The following PPIL2 variants were observed in gnomAD, a reference collection of about 807,000 sequenced individuals.
The protein encoded by PPIL2 is peptidylprolyl isomerase like 2.
A neutral mutation model predicts 75.2 loss-of-function variants in PPIL2; 50 were observed. That is an observed-to-expected ratio of 0.66 (90% CI 0.53 to 0.84). The LOEUF (loss-of-function observed/expected upper bound fraction) is 0.84, where lower values mean the gene tolerates loss of function less well. Among genes scored for constraint, PPIL2 ranks in the 40% least tolerant of loss-of-function variants. The probability of loss-of-function intolerance (pLI) is 0.00; values close to 1 mark genes in which losing one functional copy is unlikely to be tolerated. For synonymous variants in PPIL2, 245 were observed against 258.8 expected (o/e 0.95, Z 0.51); for missense variants, 590 against 685.0 (o/e 0.86, Z 1.55).
chr22:21,688,968 G>A (rs2067500895), intron 15 of PPIL2, 119 bp downstream of exon 15: 8 of 941,384 alleles, frequency 8.5e-6, no homozygotes, highest in African/African-American at 1.6e-5. Flanking sequence ...GACGGTGTAC[G>A]GCACACCTAG....
intron 6 of PPIL2, among the ~76,000 whole-genome samples, chr22:21,677,641 G>T (rs2066932324): frequency 1.3e-5 from 2 of 152,238 alleles, no homozygotes; most frequent in African/African-American, 4.8e-5. Flanking sequence ...AGCCGAGATG[G>T]CAGCAGTACA....
chr22:21,692,323 T>G (rs1601595448), intron 15 of PPIL2, among the ~76,000 whole-genome samples: 2 of 151,666 alleles, frequency 1.3e-5, no homozygotes, highest in Admixed American at 1.3e-4. Flanking sequence ...CCTGGCTAAT[T>G]TTTTGTATTT....
intron 1 of PPIL2, among the ~76,000 whole-genome samples, chr22:21,666,752 TGAGCCGA>T (rs1230575289): frequency 6.6e-6 from 1 of 152,076 alleles, no homozygotes; most frequent in African/African-American, 2.4e-5. Flanking sequence ...GAGGTTGCGG[TGAGCCGA>T]GATCGTGTCA....
chr22:21,682,702 C>G (rs1464316731), intron 8 of PPIL2, among the ~76,000 whole-genome samples, 176 bp downstream of exon 8: 1 of 145,646 alleles, frequency 6.9e-6, no homozygotes, highest in Non-Finnish European at 1.5e-5. Flanking sequence ...AGGGCAGGAG[C>G]TGGCATGAGC....
intron 1 of PPIL2, among the ~76,000 whole-genome samples, chr22:21,666,448 T>G (rs75281100): frequency 0.015 from 2,333 of 152,298 alleles, 55 homozygotes; most frequent in African/African-American, 0.054. Flanking sequence ...ACCTCTTCCG[T>G]ACTTCACGTC....
chr22:21,685,668 A>G (rs1305916648), intron 10 of PPIL2: 1 of 452,408 alleles, frequency 2.2e-6, no homozygotes, highest in Admixed American at 2.4e-5. Context: ...GCTGGTCTTG[A>G]ATTCCTGGCT....
In PPIL2 at chr22:21,696,758, C is replaced by G. The variant is rs2067951049; in HGVS notation, c.*1268C>G. The G allele has an allele frequency of 6.5e-7, 1 of 1,542,810 alleles. No homozygotes were observed. On this transcript the variant is annotated 3_prime_UTR_variant, in exon 20 of 20. Coordinates refer to ENST00000398831, the MANE Select transcript of PPIL2 (RefSeq NM_014337.4). ...CTTGAACCTGTCAGCAACTTGCAGG[C>G]TGTACCTCTGCCCTTCCTTTTCTCA... is the stretch of plus-strand genomic sequence containing the variant.
intron 1 of PPIL2, chr22:21,669,410 A>C: frequency 2.2e-6 from 1 of 449,866 alleles, no homozygotes. Flanking sequence ...TGGCCTCCCA[A>C]ACTGTTGGGA....
At chr22:21,670,540 C>G in intron 2 of PPIL2, 26 bp from the exon 3 acceptor site, 1 of 1,588,168 alleles carries the variant, frequency 6.3e-7, no homozygotes, top group South Asian at 1.1e-5. Flanking sequence ...AGTAAGATTT[C>G]TGTTTTTTAT....
intron 6 of PPIL2, among the ~76,000 whole-genome samples, 179 bp downstream of exon 6, chr22:21,675,294 T>C (rs2066793562): frequency 6.6e-6 from 1 of 152,180 alleles, no homozygotes; most frequent in Non-Finnish European, 1.5e-5. Context: ...ACCCAGCAGT[T>C]TGGGAGGCCG....
In PPIL2 at chr22:21,686,740, C is replaced by G. The variant is rs937782939; in HGVS notation, c.791-152C>G. ...CCCATGAGGCTGGGGTGAGCCTGTG[C>G]GTGGCCTAAGCAGACCCTCGGCCTC... On this transcript the variant is annotated intron_variant, in intron 11 of 19. Coordinates refer to ENST00000398831, the MANE Select transcript of PPIL2 (RefSeq NM_014337.4). The G allele has an allele frequency of 1.8e-5, 18 of 987,160 alleles. 1 individual carries two copies. Among genetic ancestry groups the G allele is most frequent in the Middle Eastern group, 3.1e-4 (1 of 3,196 alleles). The allele number at this position is 987,160 out of a possible 1,614,324, so 61.2% of individuals were successfully genotyped here.
At chr22:21,691,778 C>T (rs2067650487) in intron 15 of PPIL2, among the ~76,000 whole-genome samples, 1 of 152,150 alleles carries the variant, frequency 6.6e-6, no homozygotes, top group African/African-American at 2.4e-5. Flanking sequence ...CTTCTAGTTT[C>T]CTTCACTGTG....
At chr22:21,677,433 G>A (rs1324300690) in intron 6 of PPIL2, among the ~76,000 whole-genome samples, 3 of 152,264 alleles carry the variant, frequency 2.0e-5, no homozygotes, top group Non-Finnish European at 4.4e-5. Flanking sequence ...ACGAGACTCC[G>A]TCTGCAATCC....
intron 2 of PPIL2, 163 bp from the exon 3 acceptor site, chr22:21,670,403 G>T (rs2066586392): frequency 5.4e-6 from 8 of 1,478,812 alleles, no homozygotes; most frequent in Admixed American, 2.5e-5. Context: ...TGTACCCCAA[G>T]TGTTTTGGTT....
In PPIL2 at chr22:21,696,132, G is replaced by T; in HGVS notation, c.*642G>T. The T allele has an allele frequency of 1.0e-6, 1 of 995,372 alleles. No individual in the cohort carries two copies. Among genetic ancestry groups the T allele is most frequent in the Non-Finnish European group, 1.2e-6 (1 of 834,692 alleles). 61.7% of individuals were successfully genotyped at this position (995,372 alleles called of 1,614,324 possible). A position where few individuals can be genotyped will look rare whatever the true frequency, so the allele number is the denominator to read the frequency against. The stretch of plus-strand genomic sequence containing the variant: ...TACTGAGCCTAAGCCTCTGCAGGGT[G>T]GGCTTCTCGGTCTGTTTTGACAAAA... On this transcript the variant is annotated 3_prime_UTR_variant, in exon 20 of 20. Coordinates refer to ENST00000398831, the MANE Select transcript of PPIL2 (RefSeq NM_014337.4).
chr22:21,668,168 GT>G (rs900551277), intron 1 of PPIL2, among the ~76,000 whole-genome samples: 1 of 105,196 alleles, frequency 9.5e-6, no homozygotes, highest in Non-Finnish European at 2.3e-5. Context: ...AAAACCCTAA[GT>G]CCCCCCACTG....
At chr22:21,681,128 G>T (rs867650207) in intron 6 of PPIL2, among the ~76,000 whole-genome samples, 171 bp from the exon 7 acceptor site, 3 of 152,200 alleles carry the variant, frequency 2.0e-5, no homozygotes, top group African/African-American at 7.2e-5. Flanking sequence ...AAGGGCTTGA[G>T]GGGGTGAGCA....
intron 6 of PPIL2, among the ~76,000 whole-genome samples, chr22:21,678,836 TC>T (rs1262318072): frequency 6.6e-6 from 1 of 151,770 alleles, no homozygotes; most frequent in East Asian, 1.9e-4. Context: ...AAGTGCTCCT[TC>T]CACCTCAGTC....
At chr22:21,675,781 AGGGGATGT>A (rs2066815730) in intron 6 of PPIL2, among the ~76,000 whole-genome samples, 2 of 152,222 alleles carry the variant, frequency 1.3e-5, no homozygotes, top group Admixed American at 1.3e-4. Context: ...GCAGCTGAGT[AGGGGATGT>A]GGGTGGTCTG....
Sources: allele counts gnomAD v4.1 joint callset (sites outside exome capture counted in the v4.1 genomes callset), GRCh38; gene constraint gnomAD v4.1.1; transcripts MANE v1.5; gene names NCBI Gene and HGNC (gene_info 2026-07-23, HGNC 2026-07-21).